TRPC4: variants seen among roughly 807,000 people sequenced by gnomAD.
The protein encoded by TRPC4 is transient receptor potential cation channel subfamily C member 4.
Under a neutral mutation model 99.4 loss-of-function variants are expected in TRPC4, and 49 were observed. That is an observed-to-expected ratio of 0.49 (90% confidence interval 0.39 to 0.63). TRPC4 has a LOEUF of 0.63. TRPC4 is among the 20% of genes least tolerant of loss of function. The pLI, the probability that TRPC4 is intolerant of heterozygous loss-of-function variation, is 0.00. For missense variants in TRPC4, 898 were observed against 1,152.9 expected (o/e 0.78, Z 3.20); for synonymous variants, 454 against 425.9 (o/e 1.07, Z -0.81).
chr13:37,797,103 C>T (rs1193931864), intron 1 of TRPC4, among the ~76,000 whole-genome samples: 3 of 151,564 alleles, frequency 2.0e-5, no homozygotes, highest in East Asian at 3.9e-4. Flanking sequence ...TTGCTTTAGC[C>T]CAGGAGGTCC....
rs528086235 is a variant in TRPC4, at chr13:37,634,898, T to G, written c.*2005A>C. On this transcript the variant is annotated 3_prime_UTR_variant, in exon 11 of 11. Coordinates refer to ENST00000379705, the MANE Select transcript of TRPC4 (RefSeq NM_016179.4). ...AACAGTAAATGCATTCATTTAGGCT[T>G]GTGTTTCTCCAAATCTATCTGGCCC... 6.6e-6 allele frequency among the ~76,000 whole-genome samples: 1 copy of G among 152,062 alleles called. No individual in the cohort carries two copies. Among genetic ancestry groups the G allele is most frequent in the Non-Finnish European group, 1.5e-5 (1 of 67,988 alleles).
chr13:37,762,888 A>T (rs118074588), intron 2 of TRPC4, among the ~76,000 whole-genome samples: 10,301 of 151,556 alleles, frequency 0.068, 436 homozygotes, highest in Non-Finnish European at 0.091. Flanking sequence ...TAAAATAAAA[A>T]AAAGACACTA....
At chr13:37,861,459 T>G (rs1959317407) in intron 1 of TRPC4, among the ~76,000 whole-genome samples, 1 of 151,662 alleles carries the variant, frequency 6.6e-6, no homozygotes, top group African/African-American at 2.4e-5. Context: ...AGTTCTGCTT[T>G]AAGTTCTGGT....
chr13:37,708,015 C>T lies in TRPC4; in HGVS notation c.898-15680G>A, dbSNP rs1954346898. 2.0e-5 allele frequency among the ~76,000 whole-genome samples: 3 copies of T among 152,054 alleles called. No individual in the cohort carries two copies. The South Asian group carries it at 6.2e-4, about 32-fold the overall frequency. Reference sequence around the variant, plus strand: ...TGACTGGGGGAGGAGGAAAAGTTAACAGTCCTCATGTCTTCCAGCTTCAAC... The same window carrying T: ...TGACTGGGGGAGGAGGAAAAGTTAATAGTCCTCATGTCTTCCAGCTTCAAC... On this transcript the variant is annotated intron_variant, in intron 3 of 10. Coordinates refer to ENST00000379705, the MANE Select transcript of TRPC4 (RefSeq NM_016179.4).
At chr13:37,727,213 A>G (rs1416092218) in intron 3 of TRPC4, among the ~76,000 whole-genome samples, 2 of 152,132 alleles carry the variant, frequency 1.3e-5, no homozygotes, top group Non-Finnish European at 2.9e-5. Context: ...ATTTAAAAAT[A>G]TTGATATCAT....
chr13:37,713,756 T>C (rs1125159), intron 3 of TRPC4, among the ~76,000 whole-genome samples: 22,978 of 152,164 alleles, frequency 0.15, 1,792 homozygotes, highest in East Asian at 0.28. Flanking sequence ...GTTTAGTTTT[T>C]ATTCTAGAGG....
At chr13:37,699,032 T>C (rs558617805) in intron 3 of TRPC4, among the ~76,000 whole-genome samples, 2 of 152,314 alleles carry the variant, frequency 1.3e-5, no homozygotes, top group South Asian at 2.1e-4. Context: ...TAAGAGCACA[T>C]AAGCCTTAGA....
chr13:37,846,647 G>GAA (rs35137055), intron 1 of TRPC4, among the ~76,000 whole-genome samples: 28 of 149,592 alleles, frequency 1.9e-4, no homozygotes, highest in South Asian at 4.2e-4. Flanking sequence ...AAGAGAGGAA[G>GAA]AAAAAAAAAC....
intron 10 of TRPC4, among the ~76,000 whole-genome samples, chr13:37,638,588 T>G (rs1375999869): frequency 6.6e-6 from 1 of 152,200 alleles, no homozygotes; most frequent in Non-Finnish European, 1.5e-5. Context: ...CACATTTTAC[T>G]TATTTCCTCT....
intron 4 of TRPC4, among the ~76,000 whole-genome samples, chr13:37,678,912 AG>A (rs1953146344): frequency 6.6e-6 from 1 of 152,130 alleles, no homozygotes; most frequent in African/African-American, 2.4e-5. Context: ...AGGTAATGAA[AG>A]GTTGTTTCAA....
intron 2 of TRPC4, among the ~76,000 whole-genome samples, chr13:37,747,744 G>A (rs949453535): frequency 3.3e-5 from 5 of 152,092 alleles, no homozygotes; most frequent in Admixed American, 6.6e-5. Flanking sequence ...AAAGATAATA[G>A]GAATGAAATT....
At chr13:37,706,992 A>G (rs1315165874) in intron 3 of TRPC4, among the ~76,000 whole-genome samples, 1 of 152,162 alleles carries the variant, frequency 6.6e-6, no homozygotes, top group Non-Finnish European at 1.5e-5. Context: ...TTCTTGTGTA[A>G]ACAGACATAT....
chr13:37,747,461 G>T (rs1955818976), intron 2 of TRPC4, among the ~76,000 whole-genome samples: 1 of 152,036 alleles, frequency 6.6e-6, no homozygotes, highest in Admixed American at 6.5e-5. Flanking sequence ...CAAAGCCATA[G>T]AGGCATTTAT....
In TRPC4 at chr13:37,746,219, A is replaced by G. The variant is rs1374135592; in HGVS notation, c.615T>C (p.Ser205=). ...SRLNIYKALA[S]PSLIALSSED... is the part of the protein sequence containing the mutation. ...CGCTTGACAGTGCAATGAGAGAGGG[A>G]CTGGCCAAGGCCTTGTAGATGTTGA... The change falls in exon 3 of 11, where the codon AGT becomes AGC. Residue 205 remains serine (S), a synonymous_variant. Coordinates refer to ENST00000379705, the MANE Select transcript of TRPC4 (RefSeq NM_016179.4). 6.2e-7 allele frequency: 1 copy of G among 1,613,824 alleles called. No homozygotes were observed. The highest frequency in any genetic ancestry group is 1.1e-5 in the South Asian group (1 of 91,082).
At chr13:37,697,807 AG>A (rs1953961032) in intron 3 of TRPC4, among the ~76,000 whole-genome samples, 1 of 152,220 alleles carries the variant, frequency 6.6e-6, no homozygotes, top group African/African-American at 2.4e-5. Flanking sequence ...GCTGGTTTAA[AG>A]GATTTGATGT....
intron 2 of TRPC4, among the ~76,000 whole-genome samples, chr13:37,766,414 TA>T (rs66475220): frequency 0.23 from 33,006 of 146,648 alleles, 4,652 homozygotes; most frequent in East Asian, 0.56. Context: ...AAATCTATGC[TA>T]AACCGGGAAA....
chr13:37,813,315 T>C (rs1957755854), intron 1 of TRPC4, among the ~76,000 whole-genome samples: 1 of 151,660 alleles, frequency 6.6e-6, no homozygotes, highest in African/African-American at 2.4e-5. Context: ...TAAATTAATA[T>C]CATAAACTTC....
intron 2 of TRPC4, among the ~76,000 whole-genome samples, chr13:37,773,072 AG>A (rs2139300076): frequency 6.6e-6 from 1 of 151,850 alleles, no homozygotes; most frequent in South Asian, 2.1e-4. Context: ...AGCTTCAGTC[AG>A]GGGCAAAGAT....
intron 2 of TRPC4, among the ~76,000 whole-genome samples, chr13:37,778,555 C>T (rs1956765095): frequency 6.6e-6 from 1 of 151,958 alleles, no homozygotes; most frequent in African/African-American, 2.4e-5. Context: ...GTCCCCTTTC[C>T]TGTCCCTCCT....
Sources: gnomAD v4.1 joint callset for allele counts (sites outside exome capture counted in the v4.1 genomes callset) on GRCh38, gnomAD v4.1.1 for gene constraint, MANE v1.5 for transcripts, NCBI Gene and HGNC (gene_info 2026-07-23, HGNC 2026-07-21) for gene names.